The following ANKFN1 variants were observed in gnomAD, a reference collection of about 807,000 sequenced individuals.
The protein encoded by ANKFN1 is ankyrin repeat and fibronectin type III domain containing 1.
Under a neutral mutation model 108.7 loss-of-function variants are expected in ANKFN1, and 74 were observed. The ratio of observed to expected loss-of-function variants is 0.68; its 90% CI spans 0.56 to 0.83. The LOEUF (loss-of-function observed/expected upper bound fraction) is 0.83. ANKFN1 is among the 40% of genes least tolerant of loss of function. The pLI is 0.00. For synonymous variants in ANKFN1, 547 were observed against 516.2 expected (o/e 1.06, Z -0.81); for missense variants, 1,505 against 1,382.3 (o/e 1.09, Z -1.41).
chr17:56,320,686 CA>C (rs1409845729), intron 3 of ANKFN1, among the ~76,000 whole-genome samples: 1 of 152,094 alleles, frequency 6.6e-6, no homozygotes, highest in Non-Finnish European at 1.5e-5. Context: ...CTCCGATTAT[CA>C]CGTCGGTGCT....
chr17:56,190,751 CA>C (rs1452542879), intron 1 of ANKFN1, among the ~76,000 whole-genome samples: 3 of 145,126 alleles, frequency 2.1e-5, no homozygotes, highest in African/African-American at 7.9e-5. Flanking sequence ...GAGCTGAGTT[CA>C]ATTCCTGGGT....
intron 2 of ANKFN1, among the ~76,000 whole-genome samples, chr17:56,223,555 A>G (rs1001686946): frequency 8.5e-5 from 13 of 152,210 alleles, no homozygotes; most frequent in African/African-American, 2.7e-4. Context: ...ATACCGTAGG[A>G]GAAGCCATTG....
intron 4 of ANKFN1, among the ~76,000 whole-genome samples, chr17:56,131,054 C>A (rs570209482): frequency 1.3e-5 from 2 of 152,118 alleles, no homozygotes; most frequent in Non-Finnish European, 2.9e-5. Flanking sequence ...TGAAAGAAAC[C>A]CAGCTTTGTG....
At chr17:56,468,259 G>C (rs146344532) in intron 15 of ANKFN1, among the ~76,000 whole-genome samples, 144 of 152,204 alleles carry the variant, frequency 9.5e-4, no homozygotes, top group African/African-American at 3.2e-3. Flanking sequence ...CTTGAATACT[G>C]AATAGCCACC....
rs572858230 is a variant in ANKFN1, at chr17:56,296,699, A to AAAC, written c.54-29501_54-29499dup. Among the ~76,000 whole-genome samples the AAAC allele has an allele frequency of 4.5e-3, 678 of 152,046 alleles. 7 individuals are homozygous for AAAC. The highest frequency in any genetic ancestry group is 8.4e-3 in the Admixed American group (129 of 15,282). On this transcript the variant is annotated intron_variant, in intron 3 of 20. Transcript: ENST00000682825. The stretch of plus-strand genomic sequence containing the variant: ...ACTCCGTCTCAAAAAACAAACAAAC[A>AAAC]AACAACAACAACAACAACAACAAAA...
intron 6 of ANKFN1, among the ~76,000 whole-genome samples, chr17:56,361,444 G>T (rs764539909): frequency 6.6e-6 from 1 of 151,906 alleles, no homozygotes; most frequent in Non-Finnish European, 1.5e-5. Context: ...CTTAGAAAAG[G>T]CTAAAAATTA....
At chr17:56,170,774 TTATATATATATATA>T (rs60304505) in intron 1 of ANKFN1, among the ~76,000 whole-genome samples, 36 of 68,108 alleles carry the variant, frequency 5.3e-4, no homozygotes, top group Non-Finnish European at 7.4e-4. Flanking sequence ...AAAAAATTTT[TTATATATATATATA>T]TATATATATA....
In ANKFN1 at chr17:56,250,579, TG is replaced by T. The variant is rs1381854422; in HGVS notation, c.53+22623del. ...AGAGTATTTTTTCTTAAAGCATCTATGCCACACAAACTAGATCTATACATCA... is the reference window on the plus strand; with the variant it reads ...AGAGTATTTTTTCTTAAAGCATCTATCCACACAAACTAGATCTATACATCA... On this transcript the variant is annotated intron_variant, in intron 3 of 20. Coordinates refer to ENST00000682825, the MANE Select transcript of ANKFN1 (RefSeq NM_001370326.1). Among the ~76,000 whole-genome samples the T allele has an allele frequency of 2.0e-5, 3 of 152,354 alleles. No homozygotes were observed. The East Asian group carries it at 5.8e-4, about 29-fold the overall frequency.
At chr17:56,289,240 T>G (rs182943268) in intron 3 of ANKFN1, among the ~76,000 whole-genome samples, 108 of 152,290 alleles carry the variant, frequency 7.1e-4, no homozygotes, top group African/African-American at 2.6e-3. Context: ...AGTTATGCCA[T>G]GAGGGTAGGG....
Position 56,077,411 on chromosome 17 carries a change from A to T in ANKFN1, c.288+31086A>T, listed in dbSNP as rs564178402. Among the ~76,000 whole-genome samples the T allele has an allele frequency of 1.2e-3, 186 of 152,282 alleles. 1 individual carries two copies. Among genetic ancestry groups the T allele is most frequent in the Non-Finnish European group, 2.2e-3 (152 of 68,016 alleles). On this transcript the variant is annotated intron_variant, in intron 4 of 12. Transcript: ENST00000635860. ...CACAAGGAAAATTCAGCTGCAACCT[A>T]TGGACCCGATCTAAACCTGCCTTCC... is the stretch of plus-strand genomic sequence containing the variant.
intron 8 of ANKFN1, among the ~76,000 whole-genome samples, chr17:56,391,280 T>G (rs2047425185): frequency 6.9e-6 from 1 of 144,014 alleles, no homozygotes. Context: ...CATATATATA[T>G]GTATATGTAC....
intron 4 of ANKFN1, among the ~76,000 whole-genome samples, chr17:56,090,513 T>C (rs1444816696): frequency 1.3e-5 from 2 of 151,268 alleles, no homozygotes. Context: ...TTCTCCTGCC[T>C]TTTTGCTTTT....
chr17:56,329,241 T>C (rs928367248), intron 4 of ANKFN1, among the ~76,000 whole-genome samples: 3 of 152,134 alleles, frequency 2.0e-5, no homozygotes, highest in African/African-American at 7.2e-5. Flanking sequence ...GTGTGGTTGA[T>C]GAAATGTACC....
intron 3 of ANKFN1, among the ~76,000 whole-genome samples, chr17:56,279,473 G>A (rs1048899912): frequency 1.3e-5 from 2 of 152,310 alleles, no homozygotes; most frequent in African/African-American, 4.8e-5. Flanking sequence ...TCTTCAGACA[G>A]TCTTTTGTTT....
chr17:56,470,553 G>C (rs2050281254), intron 15 of ANKFN1, among the ~76,000 whole-genome samples: 1 of 152,066 alleles, frequency 6.6e-6, no homozygotes, highest in African/African-American at 2.4e-5. Context: ...AGAGACCTCT[G>C]GTAATGGCCT....
chr17:56,460,022 T>C (rs1346915709), intron 14 of ANKFN1, among the ~76,000 whole-genome samples: 1 of 148,470 alleles, frequency 6.7e-6, no homozygotes, highest in Non-Finnish European at 1.5e-5. Flanking sequence ...CCTGGATGAA[T>C]CCAACATGTC....
chr17:56,356,861 C>T (rs1785470563), intron 6 of ANKFN1, among the ~76,000 whole-genome samples: 2 of 152,124 alleles, frequency 1.3e-5, no homozygotes, highest in Admixed American at 1.3e-4. Context: ...CATGGCCATC[C>T]TGCACTGGGC....
chr17:56,367,280 C>G (rs932527344), intron 6 of ANKFN1, among the ~76,000 whole-genome samples: 1 of 152,082 alleles, frequency 6.6e-6, no homozygotes, highest in African/African-American at 2.4e-5. Context: ...TCAGCCAGGC[C>G]CAAATTTAGC....
intron 1 of ANKFN1, among the ~76,000 whole-genome samples, chr17:56,191,937 T>A (rs1429925795): frequency 6.6e-6 from 1 of 151,870 alleles, no homozygotes; most frequent in Admixed American, 6.6e-5. Context: ...TTCTCTATAC[T>A]TCCCTTCTCG....
Sources: gnomAD v4.1 joint callset for allele counts (sites outside exome capture counted in the v4.1 genomes callset) on GRCh38, gnomAD v4.1.1 for gene constraint, MANE v1.5 for transcripts, NCBI Gene and HGNC (gene_info 2026-07-23, HGNC 2026-07-21) for gene names.